The following HSF2 variants were observed in gnomAD, a reference collection of about 807,000 sequenced individuals.
The protein encoded by HSF2 is heat shock factor protein 2.
A neutral mutation model predicts 65.0 loss-of-function variants in HSF2; 21 were observed. The ratio of observed to expected loss-of-function variants is 0.32; its 90% CI spans 0.23 to 0.47. The LOEUF (loss-of-function observed/expected upper bound fraction) is 0.47, where lower values mean the gene tolerates loss of function less well. Among genes scored for constraint, HSF2 ranks in the 20% least tolerant of loss-of-function variants. HSF2 has a pLI of 1.00. For missense variants in HSF2, 499 were observed against 628.1 expected, an observed-to-expected ratio of 0.79 and a Z score of 2.20; for synonymous variants, 225 against 219.1, an observed-to-expected ratio of 1.03 and a Z score of -0.24.
chr6:122,418,644 T>A (rs188174419), intron 5 of HSF2, among the ~76,000 whole-genome samples: 2 of 151,872 alleles, frequency 1.3e-5, no homozygotes, highest in Admixed American at 6.6e-5. Context: ...GCAAGCAGAG[T>A]TTGTTTGTTT....
chr6:122,426,968 C>T (rs1028254770), intron 10 of HSF2, among the ~76,000 whole-genome samples: 3 of 151,992 alleles, frequency 2.0e-5, no homozygotes, highest in Non-Finnish European at 4.4e-5. Flanking sequence ...GTATTATACC[C>T]GTGTGTTCTT....
chr6:122,423,818 G>A, intron 10 of HSF2, 132 bp downstream of exon 10: 1 of 487,012 alleles, frequency 2.1e-6, no homozygotes, highest in Admixed American at 3.7e-5. Flanking sequence ...TAATAATTTT[G>A]TTTATCAGAA....
intron 10 of HSF2, among the ~76,000 whole-genome samples, chr6:122,427,514 G>T (rs1774363371): frequency 6.6e-6 from 1 of 151,994 alleles, no homozygotes; most frequent in African/African-American, 2.4e-5. Context: ...CAGGTATTCA[G>T]TGAAGGCTCA....
At chr6:122,426,968 C>G (rs1028254770) in intron 10 of HSF2, among the ~76,000 whole-genome samples, 1 of 151,992 alleles carries the variant, frequency 6.6e-6, no homozygotes, top group Non-Finnish European at 1.5e-5. Context: ...GTATTATACC[C>G]GTGTGTTCTT....
At chr6:122,401,559 G>A (rs892586695) in intron 1 of HSF2, among the ~76,000 whole-genome samples, 2 of 152,118 alleles carry the variant, frequency 1.3e-5, no homozygotes, top group South Asian at 2.1e-4. Flanking sequence ...GGAGAGTTTC[G>A]TACTGATCCG....
chr6:122,420,696 A>ATT (rs1353831309), intron 7 of HSF2, among the ~76,000 whole-genome samples: 1 of 20,372 alleles, frequency 4.9e-5, no homozygotes, highest in African/African-American at 1.6e-4. Flanking sequence ...TAGTTTATTC[A>ATT]TTTCTTTTTT....
intron 10 of HSF2, among the ~76,000 whole-genome samples, chr6:122,425,170 A>G (rs1406591477): frequency 1.3e-5 from 2 of 151,976 alleles, no homozygotes; most frequent in Admixed American, 1.3e-4. Flanking sequence ...TGCTTTGTTC[A>G]TTTACCATTC....
intron 1 of HSF2, among the ~76,000 whole-genome samples, chr6:122,410,306 T>A (rs1214205581): frequency 6.6e-6 from 1 of 151,948 alleles, no homozygotes; most frequent in Non-Finnish European, 1.5e-5. Flanking sequence ...TGTATTTCTA[T>A]AGTTTTAATA....
chr6:122,421,399 A>G (rs1379033296), intron 7 of HSF2, among the ~76,000 whole-genome samples: 1 of 147,726 alleles, frequency 6.8e-6, no homozygotes, highest in East Asian at 1.9e-4. Context: ...TTAGAAAATA[A>G]TCAAGCATAC....
chr6:122,413,396 A>C (rs1204039987), intron 3 of HSF2, 129 bp from the exon 4 acceptor site: 2 of 636,290 alleles, frequency 3.1e-6, no homozygotes, highest in Non-Finnish European at 5.4e-6. Context: ...CTAGCATTTC[A>C]TCCCGGGCTT....
At chr6:122,409,282 A>G (rs1453518311) in intron 1 of HSF2, among the ~76,000 whole-genome samples, 1 of 152,068 alleles carries the variant, frequency 6.6e-6, no homozygotes, top group Non-Finnish European at 1.5e-5. Flanking sequence ...TGTTAGTTGT[A>G]CCAAATGAAA....
Position 122,422,910 on chromosome 6 carries a change from G to C in HSF2, c.1023G>C (p.Val341=), listed in dbSNP as rs767861332. 5.0e-6 allele frequency: 8 copies of C among 1,613,350 alleles called. No individual in the cohort carries two copies. Among genetic ancestry groups the C allele is most frequent in the Non-Finnish European group, 6.8e-6 (8 of 1,179,564 alleles). Residue 341 remains valine, a synonymous_variant, in exon 9 of 13, where the codon GTG becomes GTC. Coordinates refer to ENST00000368455, the MANE Select transcript of HSF2 (RefSeq NM_004506.4). ...GSSSLTSEDP[V]TMMDSILNDN... is the part of the protein sequence containing the mutation. ...CCAGTCTGACCTCAGAAGATCCAGT[G>C]ACCATGATGGATTCCATTTTGAATG...
At chr6:122,428,693 G>A (rs1028588234) in intron 11 of HSF2, among the ~76,000 whole-genome samples, 3 of 151,968 alleles carry the variant, frequency 2.0e-5, no homozygotes, top group African/African-American at 4.8e-5. Context: ...AGTGAAGCCA[G>A]AATTTTATTT....
chr6:122,407,683 T>G (rs1367596400), intron 1 of HSF2, among the ~76,000 whole-genome samples: 1 of 152,182 alleles, frequency 6.6e-6, no homozygotes, highest in African/African-American at 2.4e-5. Context: ...GCTTTTTACA[T>G]TTTAGTTGTC....
chr6:122,421,938 A>G (rs950109778), intron 7 of HSF2, among the ~76,000 whole-genome samples: 3 of 152,020 alleles, frequency 2.0e-5, no homozygotes, highest in African/African-American at 7.2e-5. Context: ...GAAGTAGTAA[A>G]GTGTAGAATG....
intron 1 of HSF2, among the ~76,000 whole-genome samples, chr6:122,402,563 T>G (rs1278558802): frequency 7.0e-6 from 1 of 142,544 alleles, no homozygotes; most frequent in African/African-American, 2.6e-5. Flanking sequence ...ATCATATTCG[T>G]TTTTTTTTTT....
chr6:122,420,224 T>G lies in HSF2; in HGVS notation c.681+2T>G, dbSNP rs1463515034. 6.3e-7 allele frequency: 1 copy of G among 1,588,108 alleles called. No individual in the cohort carries two copies. The stretch of plus-strand genomic sequence containing the variant: ...CCAACTGATAATCATCATCATAAAG[T>G]AATTTTTTAGTTAGGGTCTATTTTA... On this transcript the variant is annotated splice_donor_variant, in intron 7 of 12. Transcript: ENST00000368455. LOFTEE classifies it high-confidence loss of function.
At chr6:122,423,041 C>A (rs1774271617) in intron 9 of HSF2, 84 bp downstream of exon 9, 2 of 1,470,888 alleles carry the variant, frequency 1.4e-6, no homozygotes, top group Non-Finnish European at 1.9e-6. Flanking sequence ...AGTAATCTTC[C>A]TTTCAGATGA....
At position 122,423,004 on chromosome 6, in the gene HSF2, T is replaced by C. The variant is rs780733913; in HGVS notation, c.1070+47T>C. On this transcript the variant is annotated intron_variant, in intron 9 of 12. Transcript: ENST00000368455. The stretch of plus-strand genomic sequence containing the variant: ...GTCTAAAATTATTTGCTTTCTTTGT[T>C]CACTTCACATGTTCTGTTTCTCTTT... The C allele has an allele frequency of 1.9e-6, 3 of 1,596,872 alleles. No homozygotes were observed. The African/African-American group carries it at 4.0e-5, about 21-fold the overall frequency.
Sources: allele counts gnomAD v4.1 joint callset (sites outside exome capture counted in the v4.1 genomes callset), GRCh38; gene constraint gnomAD v4.1.1; transcripts MANE v1.5; gene names NCBI Gene and HGNC (gene_info 2026-07-23, HGNC 2026-07-21).